The following KLK6 variants were observed in gnomAD, a reference collection of about 807,000 sequenced individuals.
The protein encoded by KLK6 is kallikrein-6.
A neutral mutation model predicts 21.7 loss-of-function variants in KLK6; 16 were observed. The observed-to-expected ratio is 0.74, with a 90% CI of 0.50 to 1.12. KLK6 has a LOEUF of 1.12. Among genes scored for constraint, KLK6 ranks in the 50% most tolerant of loss-of-function variants. The pLI, the probability that KLK6 is intolerant of heterozygous loss-of-function variation, is 0.00. For missense variants in KLK6, 276 were observed against 304.6 expected, an observed-to-expected ratio of 0.91 and a Z score of 0.70; for synonymous variants, 116 against 120.1, an observed-to-expected ratio of 0.97 and a Z score of 0.22.
intron 5 of KLK6, 78 bp downstream of exon 5, chr19:50,963,224 A>G (rs1037585598): frequency 2.5e-5 from 38 of 1,548,934 alleles, no homozygotes; most frequent in Admixed American, 7.2e-5. Context: ...CCCCTCACCA[A>G]TTTTCCCACT....
intron 2 of KLK6, 33 bp from the exon 3 acceptor site, chr19:50,968,145 C>T (rs771514789): frequency 6.3e-7 from 1 of 1,593,566 alleles, no homozygotes; most frequent in African/African-American, 1.3e-5. Flanking sequence ...CCATTAGTCA[C>T]TGCCTCGACC....
chr19:50,967,195 G>C lies in KLK6; in HGVS notation c.171C>G (p.Val57=), dbSNP rs1187799197. ...GTTTTTTGCAGTGGGCAGCTGTGAG[G>C]ACCCACAGTGGATGGATAAGGACCC... ...CGGVLIHPLW[V]LTAAHCKKPN... Residue 57 remains valine (V), a synonymous_variant, in exon 4 of 7, where the codon GTC becomes GTG. Coordinates refer to ENST00000310157, the MANE Select transcript of KLK6 (RefSeq NM_002774.4). The C allele has an allele frequency of 6.2e-7, 1 of 1,613,962 alleles. No individual in the cohort carries two copies. The highest frequency in any genetic ancestry group is 8.5e-7 in the Non-Finnish European group (1 of 1,179,978).
At position 50,961,843 on chromosome 19, in the gene KLK6, G is replaced by A. The variant is rs368882893; in HGVS notation, c.483C>T (p.His161=). 6 of 1,613,896 alleles carry A rather than the reference G, an allele frequency of 3.7e-6. No homozygotes were observed. The African/African-American group carries it at 8.0e-5, about 22-fold the overall frequency. The change falls in exon 6 of 7, where the codon CAC becomes CAT. Residue 161 remains histidine, a synonymous_variant. Transcript: ENST00000310157. ...FPDTIQCAYI[H]LVSREECEHA... Reference sequence around the variant, plus strand: ...GCTCACACTCCTCACGGGACACCAGGTGGATGTATGCACACTGGATGGTGT... The same window carrying A: ...GCTCACACTCCTCACGGGACACCAGATGGATGTATGCACACTGGATGGTGT...
Position 50,968,055 on chromosome 19 carries a change from CT to C in KLK6, c.40+9del. On this transcript the variant is annotated intron_variant, in intron 3 of 6. Coordinates refer to ENST00000310157, the MANE Select transcript of KLK6 (RefSeq NM_002774.4). ...TGCAAGCCTCCCCCATCCAAATGCC[CT>C]TTCCCCACCTGCAGCAATCAGACTC... 1 of 1,613,866 alleles carries C rather than the reference CT, an allele frequency of 6.2e-7. No individual in the cohort carries two copies. The highest frequency in any genetic ancestry group is 2.2e-5 in the East Asian group (1 of 44,874).
At chr19:50,969,276 G>C (rs1343524047) in intron 1 of KLK6, among the ~76,000 whole-genome samples, 1 of 152,038 alleles carries the variant, frequency 6.6e-6, no homozygotes, top group African/African-American at 2.4e-5. Flanking sequence ...GTTCTAGTCG[G>C]CTCAGTCCTT....
chr19:50,961,641 A>C, intron 6 of KLK6, 103 bp downstream of exon 6: 1 of 1,405,684 alleles, frequency 7.1e-7, no homozygotes, highest in South Asian at 1.4e-5. Context: ...TGTCTCTGTA[A>C]AGCTCTCTTT....
intron 3 of KLK6, 25 bp downstream of exon 3, chr19:50,968,040 C>G (rs773916613): frequency 1.2e-5 from 19 of 1,611,116 alleles, no homozygotes; most frequent in Non-Finnish European, 1.6e-5. Flanking sequence ...TGCAAGCCTC[C>G]CCCATCCAAA....
intron 3 of KLK6, among the ~76,000 whole-genome samples, chr19:50,967,551 A>ACACACACACACACACACACACAC (rs1555781646): frequency 4.2e-5 from 6 of 143,354 alleles, no homozygotes; most frequent in African/African-American, 5.0e-5. Context: ...ACACACACAC[A>ACACACACACACACACACACACAC]AATTAGCAGG....
chr19:50,966,334 T>A (rs2090925208), intron 4 of KLK6, among the ~76,000 whole-genome samples: 1 of 152,176 alleles, frequency 6.6e-6, no homozygotes, highest in Non-Finnish European at 1.5e-5. Flanking sequence ...GCTGGCTCAG[T>A]CTCAGAATTC....
At chr19:50,967,578 C>T (rs1327405242) in intron 3 of KLK6, among the ~76,000 whole-genome samples, 1 of 147,448 alleles carries the variant, frequency 6.8e-6, no homozygotes, top group Non-Finnish European at 1.5e-5. Context: ...TGGCATACGC[C>T]TGTAGTCCCA....
chr19:50,968,551 CCTCCGGG>C lies in KLK6; in HGVS notation c.-26_-20del, dbSNP rs2090964100. The C allele has an allele frequency of 2.9e-5, 1 of 34,508 alleles. No homozygotes were observed. Among genetic ancestry groups the C allele is most frequent in the Non-Finnish European group, 4.7e-5 (1 of 21,240 alleles). 2.1% of individuals were successfully genotyped at this position (34,508 alleles called of 1,614,324 possible). A position where few individuals can be genotyped will look rare whatever the true frequency, so the allele number is the denominator to read the frequency against. On this transcript the variant is annotated 5_prime_UTR_variant, in exon 2 of 7. Transcript: ENST00000310157. ...TGTCTGTGATCTCACCTGCTGCAGG[CCTCCGGG>C]CTCCGGGGATTCTTGAGTCGGGGGA...
chr19:50,959,829 A>AG (rs2090792154), intron 6 of KLK6, among the ~76,000 whole-genome samples: 1 of 12,470 alleles, frequency 8.0e-5, no homozygotes, highest in African/African-American at 4.5e-4. Flanking sequence ...AGGAGGAGGA[A>AG]GAGGAGAAGA....
rs149327797 is a variant in KLK6, at chr19:50,967,806, C to T, written c.40+259G>A. Among the ~76,000 whole-genome samples, 15 of 152,050 alleles carry T rather than the reference C, an allele frequency of 9.9e-5. No individual in the cohort carries two copies. In the East Asian group the frequency reaches 2.5e-3, roughly 25 times the overall value. ...TCCCGGGCTCTCTCCAACTTTCCAA[C>T]CTACCTCCTACCTCTTCTATGTTTA... On this transcript the variant is annotated intron_variant, in intron 3 of 6. Coordinates refer to ENST00000310157, the MANE Select transcript of KLK6 (RefSeq NM_002774.4).
At chr19:50,965,745 C>G (rs956825517) in intron 4 of KLK6, among the ~76,000 whole-genome samples, 1 of 152,188 alleles carries the variant, frequency 6.6e-6, no homozygotes, top group Non-Finnish European at 1.5e-5. Context: ...GAGAGTCATC[C>G]AAGGTCTCCT....
At chr19:50,965,766 G>A (rs550522641) in intron 4 of KLK6, among the ~76,000 whole-genome samples, 5 of 152,166 alleles carry the variant, frequency 3.3e-5, no homozygotes, top group Non-Finnish European at 7.4e-5. Flanking sequence ...TGGGGTCAGG[G>A]GAACCACCCC....
rs2090755138 is a variant in KLK6, at chr19:50,958,655, G to A, written c.*509C>T. On this transcript the variant is annotated 3_prime_UTR_variant, in exon 7 of 7. Coordinates refer to ENST00000310157, the MANE Select transcript of KLK6 (RefSeq NM_002774.4). The stretch of plus-strand genomic sequence containing the variant: ...CTCATAATAAAATTCATTCTTTATT[G>A]AGTGCATGGTGGCCCAGGTGCTATT... The A allele has an allele frequency of 6.5e-6, 1 of 153,366 alleles. No homozygotes were observed. The highest frequency in any genetic ancestry group is 2.4e-5 in the African/African-American group (1 of 41,466). 9.5% of individuals were successfully genotyped at this position (153,366 alleles called of 1,614,324 possible). A position where few individuals can be genotyped will look rare whatever the true frequency, so the allele number is the denominator to read the frequency against.
chr19:50,968,159 C>A, intron 2 of KLK6, 47 bp from the exon 3 acceptor site: 1 of 1,543,496 alleles, frequency 6.5e-7, no homozygotes, highest in Non-Finnish European at 9.0e-7. Context: ...CTCGACCCTC[C>A]CCCCATCCCT....
chr19:50,968,485 C>T (rs2090962144), intron 2 of KLK6, 56 bp downstream of exon 2: 13 of 269,488 alleles, frequency 4.8e-5, no homozygotes, highest in South Asian at 4.6e-4. Flanking sequence ...TGGCTCTGTG[C>T]GCAATGGCCA....
At chr19:50,963,925 C>A (rs1348228225) in intron 4 of KLK6, among the ~76,000 whole-genome samples, 1 of 152,166 alleles carries the variant, frequency 6.6e-6, no homozygotes, top group Non-Finnish European at 1.5e-5. Context: ...CTCCACAAAG[C>A]AACCAGAGAT....
Sources: allele counts gnomAD v4.1 joint callset (sites outside exome capture counted in the v4.1 genomes callset), GRCh38; gene constraint gnomAD v4.1.1; transcripts MANE v1.5; gene names NCBI Gene and HGNC (gene_info 2026-07-23, HGNC 2026-07-21).